CHST13: variants seen among roughly 807,000 people sequenced by gnomAD.
CHST13 encodes C4ST-3.
Under a neutral mutation model 7.0 loss-of-function variants are expected in CHST13, and 1 was observed. The ratio of observed to expected loss-of-function variants is 0.14; its 90% CI spans 0.05 to 0.68. The LOEUF (loss-of-function observed/expected upper bound fraction) is 0.68, where lower values mean the gene tolerates loss of function less well. Among genes scored for constraint, CHST13 ranks in the 30% least tolerant of loss-of-function variants. CHST13 has a pLI of 0.82. For missense variants in CHST13, 572 were observed against 507.9 expected, an observed-to-expected ratio of 1.13 and a Z score of -1.21; for synonymous variants, 257 against 240.9, an observed-to-expected ratio of 1.07 and a Z score of -0.62.
At chr3:126,532,489 A>G (rs1406942637) in intron 1 of CHST13, among the ~76,000 whole-genome samples, 2 of 152,202 alleles carry the variant, frequency 1.3e-5, no homozygotes, top group Admixed American at 1.3e-4. Context: ...TTGCATGTGA[A>G]TATCTCATGC....
At position 126,542,780 on chromosome 3, in the gene CHST13, C is replaced by A; in HGVS notation, c.*202C>A. 1 of 672,670 alleles carries A rather than the reference C, an allele frequency of 1.5e-6. No individual in the cohort carries two copies. Among genetic ancestry groups the A allele is most frequent in the Non-Finnish European group, 2.2e-6 (1 of 464,892 alleles). 41.7% of individuals were successfully genotyped at this position (672,670 alleles called of 1,614,324 possible). On this transcript the variant is annotated 3_prime_UTR_variant, in exon 3 of 3. Transcript: ENST00000319340. ...GGTGGCCCTGCACGCGTGTGCCTGC[C>A]TCGGCCTGTCGCCTGAGGCCTGCTT...
chr3:126,531,159 G>A (rs1010008625), intron 1 of CHST13, among the ~76,000 whole-genome samples: 4 of 152,392 alleles, frequency 2.6e-5, no homozygotes, highest in Admixed American at 6.5e-5. Context: ...ACCAGCAGCC[G>A]CAGCCTCACC....
At chr3:126,540,249 C>G (rs1209993025) in intron 2 of CHST13, among the ~76,000 whole-genome samples, 1 of 152,210 alleles carries the variant, frequency 6.6e-6, no homozygotes, top group Non-Finnish European at 1.5e-5. Context: ...CCATACAACT[C>G]TTTCAAACCC....
chr3:126,531,952 C>T (rs1276987945), intron 1 of CHST13, among the ~76,000 whole-genome samples: 2 of 152,228 alleles, frequency 1.3e-5, no homozygotes, highest in African/African-American at 4.8e-5. Flanking sequence ...AATTTCTCCA[C>T]ATCCTTGTTA....
rs1180482830 is a variant in CHST13 at position 126,543,066 on chromosome 3, C to G, written c.*488C>G. Reference sequence around the variant, plus strand: ...TTGGCTGGCCTCACGATGGGGCCGTCCCGGGAGCCAGGTGGGAGCTGCCTT... The same window carrying G: ...TTGGCTGGCCTCACGATGGGGCCGTGCCGGGAGCCAGGTGGGAGCTGCCTT... On this transcript the variant is annotated 3_prime_UTR_variant, in exon 3 of 3. Coordinates refer to ENST00000319340, the MANE Select transcript of CHST13 (RefSeq NM_152889.3). 6.6e-6 allele frequency: 1 copy of G among 152,400 alleles called. No individual in the cohort carries two copies. The highest frequency in any genetic ancestry group is 2.4e-5 in the African/African-American group (1 of 41,468). The allele number at this position is 152,400 out of a possible 1,614,324, so 9.4% of individuals were successfully genotyped here.
Position 126,538,258 on chromosome 3 carries a change from C to T in CHST13, c.180+1905C>T, listed in dbSNP as rs779008072. Among the ~76,000 whole-genome samples the T allele has an allele frequency of 5.7e-4, 87 of 152,232 alleles. 1 individual carries two copies. Among genetic ancestry groups the T allele is most frequent in the Non-Finnish European group, 7.8e-4 (53 of 68,038 alleles). ...CAGCCAGCTGCCCACCATCGTCCTC[C>T]GGATGTTGACTTCTGTCATAGAGCT... is the stretch of plus-strand genomic sequence containing the variant. On this transcript the variant is annotated intron_variant, in intron 2 of 2. Transcript: ENST00000319340.
intron 1 of CHST13, 131 bp from the exon 2 acceptor site, chr3:126,536,140 G>A (rs1226032669): frequency 2.9e-6 from 2 of 695,906 alleles, no homozygotes; most frequent in South Asian, 1.8e-5. Flanking sequence ...GCCCCTAGGA[G>A]GTAGGCAAGA....
chr3:126,533,535 G>A (rs547088119), intron 1 of CHST13, among the ~76,000 whole-genome samples: 1 of 152,168 alleles, frequency 6.6e-6, no homozygotes. Context: ...TGATTGATTT[G>A]TGTATATTTA....
At chr3:126,529,690 G>A (rs992825128) in intron 1 of CHST13, among the ~76,000 whole-genome samples, 25 of 151,990 alleles carry the variant, frequency 1.6e-4, no homozygotes, top group African/African-American at 4.4e-4. Flanking sequence ...TCCCAGCCTC[G>A]GGCCCTGTCG....
chr3:126,539,758 C>CAG (rs1936895177), intron 2 of CHST13, among the ~76,000 whole-genome samples: 1 of 82,358 alleles, frequency 1.2e-5, no homozygotes, highest in Non-Finnish European at 2.4e-5. Flanking sequence ...CCACACACTC[C>CAG]ACACCACACA....
Position 126,542,050 on chromosome 3 carries a change from C to A in CHST13, c.498C>A (p.Ala166=). ...SPAEINRRLR[A]YLAFLFVREP... is the part of the protein sequence containing the mutation. ...CCGAGATCAACCGGCGCCTGCGCGC[C>A]TACTTGGCCTTCCTGTTCGTGCGGG... The change falls in exon 3 of 3, where the codon GCC becomes GCA. Residue 166 remains alanine (A), a synonymous_variant. Transcript: ENST00000319340. 6.3e-7 allele frequency: 1 copy of A among 1,577,544 alleles called. No individual in the cohort carries two copies. The highest frequency in any genetic ancestry group is 1.8e-5 in the Admixed American group (1 of 56,688).
chr3:126,537,979 G>T (rs1172829288), intron 2 of CHST13, among the ~76,000 whole-genome samples: 1 of 152,222 alleles, frequency 6.6e-6, no homozygotes, highest in Non-Finnish European at 1.5e-5. Context: ...GGAGCTGTAG[G>T]TGCAGCCCCG....
chr3:126,532,832 A>G (rs2107565084), intron 1 of CHST13, among the ~76,000 whole-genome samples: 1 of 152,342 alleles, frequency 6.6e-6, no homozygotes, highest in South Asian at 2.1e-4. Context: ...AGGAATTTCA[A>G]AGAATCTGTA....
intron 2 of CHST13, among the ~76,000 whole-genome samples, 186 bp from the exon 3 acceptor site, chr3:126,541,547 C>T (rs951008386): frequency 1.3e-5 from 2 of 152,208 alleles, no homozygotes; most frequent in Non-Finnish European, 2.9e-5. Context: ...TCCCAAATCT[C>T]GGCCCAGGAC....
chr3:126,527,475 G>A (rs1475430861), intron 1 of CHST13: 1 of 152,342 alleles, frequency 6.6e-6, no homozygotes, highest in Non-Finnish European at 1.5e-5. Context: ...CAAAGCTAGA[G>A]AGGGTTCCTT....
intron 1 of CHST13, among the ~76,000 whole-genome samples, chr3:126,528,908 G>T (rs1936589953): frequency 6.6e-6 from 1 of 152,246 alleles, no homozygotes; most frequent in African/African-American, 2.4e-5. Context: ...ACCCCAGAAA[G>T]CCCCTAGGGG....
Position 126,542,309 on chromosome 3 carries a change from C to A in CHST13, c.757C>A (p.Leu253Ile). 1 of 1,568,364 alleles carries A rather than the reference C, an allele frequency of 6.4e-7. No homozygotes were observed. Among genetic ancestry groups the A allele is most frequent in the Non-Finnish European group, 8.6e-7 (1 of 1,160,908 alleles). Residue 253 changes from leucine (L) to isoleucine (I), a missense_variant, in exon 3 of 3, where the codon CTC (leucine) becomes ATC (isoleucine). Physicochemically the swap from Leu to Ile is conservative, Grantham distance 5. Coordinates refer to ENST00000319340, the MANE Select transcript of CHST13 (RefSeq NM_152889.3). ...FNEHWERAHA[L>I]CHPCRLRYDV... Reference sequence around the variant, plus strand: ...CGAGCACTGGGAGCGCGCGCACGCGCTCTGCCACCCGTGTCGCCTCCGCTA... The same window carrying A: ...CGAGCACTGGGAGCGCGCGCACGCGATCTGCCACCCGTGTCGCCTCCGCTA...
At chr3:126,524,507 G>T in intron 1 of CHST13, 78 bp downstream of exon 1, 1 of 455,252 alleles carries the variant, frequency 2.2e-6, no homozygotes, top group South Asian at 1.1e-4. Context: ...CTGACCCCTC[G>T]ACAGCGCGGG....
rs149925364 is a variant in CHST13 at position 126,529,384 on chromosome 3, G to A, written c.97+4955G>A. 1.5e-3 allele frequency: 1,883 copies of A among 1,289,164 alleles called. 21 individuals carry two copies. The African/African-American group carries it at 0.024, about 16-fold the overall frequency. The allele number at this position is 1,289,164 out of a possible 1,614,324, so 79.9% of individuals were successfully genotyped here. On this transcript the variant is annotated intron_variant, in intron 1 of 2. Transcript: ENST00000319340. The stretch of plus-strand genomic sequence containing the variant: ...TGGGGCCCACTTGCCTACGGATGCC[G>A]CAAGGGGGGACAGGTGTCAGGACAA...
Sources: allele counts gnomAD v4.1 joint callset (sites outside exome capture counted in the v4.1 genomes callset), GRCh38; gene constraint gnomAD v4.1.1; transcripts MANE v1.5; gene names NCBI Gene and HGNC (gene_info 2026-07-23, HGNC 2026-07-21).